Variants in ZCWPW2 observed in about 807,000 individuals in gnomAD.
The protein encoded by ZCWPW2 is zinc finger CW-type and PWWP domain containing 2.
Under a neutral mutation model 46.6 loss-of-function variants are expected in ZCWPW2, and 45 were observed. The ratio of observed to expected loss-of-function variants is 0.96; its 90% confidence interval spans 0.76 to 1.24. The LOEUF is 1.24. ZCWPW2 is among the 50% of genes most tolerant of loss of function. The pLI is 0.00. For synonymous variants in ZCWPW2, 152 were observed against 137.1 expected, an observed-to-expected ratio of 1.11 and a Z score of -0.76; for missense variants, 429 against 403.9, an observed-to-expected ratio of 1.06 and a Z score of -0.53.
chr3:28,495,661 T>G (rs1408439782), intron 6 of ZCWPW2, among the ~76,000 whole-genome samples: 1 of 152,092 alleles, frequency 6.6e-6, no homozygotes, highest in Non-Finnish European at 1.5e-5. Context: ...AGCTTGTATT[T>G]TTTAATATGT....
At chr3:28,364,299 A>T (rs917501623) in intron 1 of ZCWPW2, among the ~76,000 whole-genome samples, 5 of 151,766 alleles carry the variant, frequency 3.3e-5, no homozygotes, top group African/African-American at 4.8e-5. Flanking sequence ...ACCAAAAGAC[A>T]TAGACATATA....
chr3:28,351,984 TA>T (rs1577157674), intron 1 of ZCWPW2, among the ~76,000 whole-genome samples: 1 of 152,122 alleles, frequency 6.6e-6, no homozygotes. Context: ...GTGGCAAGGA[TA>T]AAAATGATTT....
At chr3:28,462,380 G>A (rs749596893) in intron 4 of ZCWPW2, among the ~76,000 whole-genome samples, 16 of 152,138 alleles carry the variant, frequency 1.1e-4, no homozygotes, top group Non-Finnish European at 2.1e-4. Flanking sequence ...GCCTAACTTC[G>A]AGGGACTTGA....
chr3:28,507,269 T>A (rs906169331), intron 6 of ZCWPW2, among the ~76,000 whole-genome samples: 13 of 152,164 alleles, frequency 8.5e-5, no homozygotes, highest in Non-Finnish European at 8.8e-5. Flanking sequence ...TCAGCAGGAA[T>A]CTCTGTGATT....
intron 1 of ZCWPW2, among the ~76,000 whole-genome samples, chr3:28,377,361 A>G (rs1024501478): frequency 2.6e-5 from 4 of 152,102 alleles, no homozygotes; most frequent in Admixed American, 2.0e-4. Flanking sequence ...GAGAGTAAGA[A>G]CGTTATTACT....
At chr3:28,506,445 T>C (rs1267744309) in intron 6 of ZCWPW2, among the ~76,000 whole-genome samples, 1 of 151,980 alleles carries the variant, frequency 6.6e-6, no homozygotes, top group African/African-American at 2.4e-5. Flanking sequence ...CTAGACAACA[T>C]AGGAGAATCA....
At chr3:28,430,426 C>T (rs1438486259) in intron 3 of ZCWPW2, among the ~76,000 whole-genome samples, 1 of 152,220 alleles carries the variant, frequency 6.6e-6, no homozygotes, top group East Asian at 1.9e-4. Flanking sequence ...TAAGAATTAA[C>T]TAACTTGCTT....
intron 6 of ZCWPW2, among the ~76,000 whole-genome samples, chr3:28,493,055 T>A (rs1345103510): frequency 6.8e-6 from 1 of 146,284 alleles, no homozygotes; most frequent in Non-Finnish European, 1.5e-5. Flanking sequence ...TGTTTTATCT[T>A]TTTGCTTTTT....
Position 28,413,078 on chromosome 3 carries a change from G to T in ZCWPW2, c.10G>T (p.Glu4Ter), listed in dbSNP as rs1575107301. 6.2e-7 allele frequency: 1 copy of T among 1,607,688 alleles called. No homozygotes were observed. Among genetic ancestry groups the T allele is most frequent in the South Asian group, 1.1e-5 (1 of 90,494 alleles). ...CAGATTAAATGCCTTAATGGATAAA[G>T]AAAAATTGGATGTTAAGATTGAATA... The part of the protein sequence containing the change: MDK[E>*]KLDVKIEYCN... Residue 4 changes from glutamate to a stop codon, truncating the protein, a stop_gained, in exon 3 of 10, where the codon GAA becomes TAA. Transcript: ENST00000383768. LOFTEE classifies it high-confidence loss of function.
chr3:28,360,972 T>C (rs1012536923), intron 1 of ZCWPW2, among the ~76,000 whole-genome samples: 2 of 152,120 alleles, frequency 1.3e-5, no homozygotes, highest in Admixed American at 6.5e-5. Context: ...CTAACACACA[T>C]AGCCCAAACG....
chr3:28,403,691 A>G (rs1411524949), intron 2 of ZCWPW2, among the ~76,000 whole-genome samples: 2 of 152,222 alleles, frequency 1.3e-5, no homozygotes, highest in African/African-American at 4.8e-5. Flanking sequence ...TGGTATAAAA[A>G]TAGCCACACA....
At chr3:28,363,292 A>G (rs1705009368) in intron 1 of ZCWPW2, among the ~76,000 whole-genome samples, 2 of 152,296 alleles carry the variant, frequency 1.3e-5, no homozygotes, top group Non-Finnish European at 2.9e-5. Flanking sequence ...TAACGCAATG[A>G]CAACCAAGTA....
chr3:28,433,466 C>A (rs1390157553), intron 3 of ZCWPW2, among the ~76,000 whole-genome samples: 2 of 152,124 alleles, frequency 1.3e-5, no homozygotes, highest in African/African-American at 4.8e-5. Context: ...ACTCAGTTTT[C>A]ATTTAAATAA....
chr3:28,366,887 C>G lies in ZCWPW2; in HGVS notation c.-134+17684C>G, dbSNP rs1046116898. ...TTAGTCTTGGGAGGGTGTATGTGTCCAGGAATTTATCCATTTCTTCTAGAT... is the reference window on the plus strand; with the variant it reads ...TTAGTCTTGGGAGGGTGTATGTGTCGAGGAATTTATCCATTTCTTCTAGAT... On this transcript the variant is annotated intron_variant, in intron 1 of 9. Coordinates refer to ENST00000383768, the MANE Select transcript of ZCWPW2 (RefSeq NM_001040432.4). 2.5e-3 allele frequency among the ~76,000 whole-genome samples: 387 copies of G among 152,190 alleles called. 1 individual carries two copies. Among genetic ancestry groups the G allele is most frequent in the African/African-American group, 8.5e-3 (351 of 41,526 alleles).
At chr3:28,429,814 G>A (rs929354617) in intron 3 of ZCWPW2, among the ~76,000 whole-genome samples, 3 of 152,202 alleles carry the variant, frequency 2.0e-5, no homozygotes, top group African/African-American at 4.8e-5. Context: ...GCTTCAAAGG[G>A]TACAAGCCCC....
At chr3:28,492,264 C>T in intron 6 of ZCWPW2, 91 bp downstream of exon 6, 2 of 1,139,104 alleles carry the variant, frequency 1.8e-6, no homozygotes, top group Non-Finnish European at 1.2e-6. Context: ...TAAAAACAAA[C>T]AATGACATAC....
chr3:28,525,655 G>T lies in ZCWPW2; in HGVS notation c.*967G>T, dbSNP rs193044994. ...TTGCTTTAACAAGGAGGCAGCACAT[G>T]TCTAGATATTAAAAACAAATAAGAC... On this transcript the variant is annotated 3_prime_UTR_variant, in exon 10 of 10. Coordinates refer to ENST00000383768, the MANE Select transcript of ZCWPW2 (RefSeq NM_001040432.4). 1.2e-4 allele frequency among the ~76,000 whole-genome samples: 18 copies of T among 152,256 alleles called. No individual in the cohort carries two copies. Among genetic ancestry groups the T allele is most frequent in the Non-Finnish European group, 2.5e-4 (17 of 68,018 alleles).
chr3:28,390,227 G>A (rs1360061211), intron 1 of ZCWPW2, among the ~76,000 whole-genome samples: 1 of 151,988 alleles, frequency 6.6e-6, no homozygotes, highest in Non-Finnish European at 1.5e-5. Context: ...CTACTTCATG[G>A]TGTATTTCAA....
At chr3:28,357,012 AAG>A in intron 1 of ZCWPW2, among the ~76,000 whole-genome samples, 1 of 152,352 alleles carries the variant, frequency 6.6e-6, no homozygotes, top group East Asian at 1.9e-4. Context: ...ATTGAAAAAA[AAG>A]AAAAAAATAA....
Sources: gnomAD v4.1 joint callset for allele counts (sites outside exome capture counted in the v4.1 genomes callset) on GRCh38, gnomAD v4.1.1 for gene constraint, MANE v1.5 for transcripts, NCBI Gene and HGNC (gene_info 2026-07-23, HGNC 2026-07-21) for gene names.